Variants in OSBPL9 observed in about 807,000 individuals in gnomAD.
OSBPL9 encodes oxysterol-binding protein-related protein 9.
OSBPL9 carries 40 observed loss-of-function variants against 106.6 expected under a neutral mutation model. The observed-to-expected ratio is 0.38, with a 90% CI of 0.29 to 0.49. OSBPL9 has a LOEUF of 0.49. Ranked by LOEUF, OSBPL9 falls within the 20% of genes least tolerant of loss-of-function variation. OSBPL9 has a pLI of 0.97. For missense variants in OSBPL9, 609 were observed against 887.2 expected (o/e 0.69, Z 3.98); for synonymous variants, 269 against 295.4 (o/e 0.91, Z 0.92).
chr1:51,606,155 G>T (rs2148604921), intron 2 of OSBPL9, among the ~76,000 whole-genome samples: 1 of 152,330 alleles, frequency 6.6e-6, no homozygotes, highest in East Asian at 1.9e-4. Context: ...AAATGGTGCA[G>T]GTTTGAGACC....
At chr1:51,662,184 T>C (rs2148735038) in intron 2 of OSBPL9, among the ~76,000 whole-genome samples, 1 of 152,258 alleles carries the variant, frequency 6.6e-6, no homozygotes, top group Non-Finnish European at 1.5e-5. Context: ...CTGAATAATC[T>C]TGACTAAAAG....
chr1:51,534,470 G>A, the OSBPL9 span, among the ~76,000 whole-genome samples: 5 of 152,102 alleles, frequency 3.3e-5, no homozygotes, highest in Admixed American at 6.5e-5. Flanking sequence ...ATGTTGGTAG[G>A]AAAGTCTAAG....
intron 4 of OSBPL9, among the ~76,000 whole-genome samples, chr1:51,717,661 C>T (rs1661306143): frequency 6.7e-6 from 1 of 150,236 alleles, no homozygotes; most frequent in Non-Finnish European, 1.5e-5. Flanking sequence ...ATCATTTCAC[C>T]CCAGTTAAAA....
At chr1:51,606,440 T>G (rs1643948782) in intron 2 of OSBPL9, among the ~76,000 whole-genome samples, 1 of 152,186 alleles carries the variant, frequency 6.6e-6, no homozygotes, top group African/African-American at 2.4e-5. Context: ...TACTGCAAAT[T>G]TATGGCTGTG....
At chr1:51,677,686 G>A (rs1479367600) in intron 3 of OSBPL9, among the ~76,000 whole-genome samples, 1 of 152,046 alleles carries the variant, frequency 6.6e-6, no homozygotes, top group Non-Finnish European at 1.5e-5. Context: ...AAGTAGCTGG[G>A]ATTAGAGGCA....
chr1:51,702,714 T>C (rs1657572582), intron 3 of OSBPL9, among the ~76,000 whole-genome samples: 1 of 152,266 alleles, frequency 6.6e-6, no homozygotes, highest in South Asian at 2.1e-4. Context: ...CATGAAGTCC[T>C]TGCCATGCCT....
chr1:51,781,188 G>C lies in OSBPL9; in HGVS notation c.1281G>C (p.Lys427Asn). 1 of 1,613,996 alleles carries C rather than the reference G, an allele frequency of 6.2e-7. No homozygotes were observed. The highest frequency in any genetic ancestry group is 8.5e-7 in the Non-Finnish European group (1 of 1,180,008). The change falls in exon 16 of 24, where the codon AAG (lysine) becomes AAC (asparagine). Residue 427 changes from lysine (K) to asparagine (N), a missense_variant. Coordinates refer to ENST00000428468, the MANE Select transcript of OSBPL9 (RefSeq NM_024586.6). Reference sequence around the variant, plus strand: ...GCATTAGTGACCAGAAGGATCCCAAGGATCGAATGGTTCAGGTTGTGAAAT... The same window carrying C: ...GCATTAGTGACCAGAAGGATCCCAACGATCGAATGGTTCAGGTTGTGAAAT... ...FVSISDQKDPKDRMVQVVKWY... is the reference protein window; with the variant it reads ...FVSISDQKDPNDRMVQVVKWY...
chr1:51,711,336 C>A (rs1443978771), intron 3 of OSBPL9, among the ~76,000 whole-genome samples: 1 of 146,656 alleles, frequency 6.8e-6, no homozygotes, highest in Non-Finnish European at 1.5e-5. Flanking sequence ...GGGCAGGGGG[C>A]TGACCCCCCC....
At chr1:51,537,838 G>C in the OSBPL9 span, among the ~76,000 whole-genome samples, 1 of 151,890 alleles carries the variant, frequency 6.6e-6, no homozygotes, top group East Asian at 1.9e-4. Context: ...ACTGCACCCA[G>C]CTCTGGTCAA....
intron 22 of OSBPL9, among the ~76,000 whole-genome samples, chr1:51,786,862 TTAAC>T (rs1187385167): frequency 1.3e-5 from 2 of 152,242 alleles, no homozygotes; most frequent in South Asian, 2.1e-4. Context: ...AAGCCACATC[TTAAC>T]TAACTTTAAA....
intron 3 of OSBPL9, among the ~76,000 whole-genome samples, chr1:51,713,569 G>A (rs1660508130): frequency 6.6e-6 from 1 of 152,146 alleles, no homozygotes; most frequent in Non-Finnish European, 1.5e-5. Flanking sequence ...GCATTGTCCG[G>A]TCTGCAATTC....
chr1:51,772,741 G>A lies in OSBPL9; in HGVS notation c.1170+18G>A. The A allele has an allele frequency of 8.4e-6, 13 of 1,550,750 alleles. No individual in the cohort carries two copies. The highest frequency in any genetic ancestry group is 1.2e-5 in the Non-Finnish European group (13 of 1,122,362). On this transcript the variant is annotated intron_variant, in intron 14 of 23. Transcript: ENST00000428468. ...TTACTAAGGTAAGACCAAATTTGCT[G>A]TAAGTCTGTGTGGGTATGTATGGAT...
chr1:51,626,953 T>C (rs1214323761), intron 1 of OSBPL9, among the ~76,000 whole-genome samples: 1 of 152,242 alleles, frequency 6.6e-6, no homozygotes, highest in East Asian at 1.9e-4. Flanking sequence ...AAGAGTTGTT[T>C]ATTTTAGCTA....
the OSBPL9 span, among the ~76,000 whole-genome samples, chr1:51,532,505 C>T: frequency 9.2e-5 from 14 of 152,190 alleles, no homozygotes; most frequent in African/African-American, 2.6e-4. Context: ...AAAAAAGTTA[C>T]GAAATAAGCA....
the OSBPL9 span, among the ~76,000 whole-genome samples, chr1:51,543,543 G>A: frequency 1.3e-5 from 2 of 152,048 alleles, no homozygotes; most frequent in Non-Finnish European, 2.9e-5. Flanking sequence ...CTACAGGCAC[G>A]TGCCACCATG....
At chr1:51,652,872 G>A (rs1267053951) in intron 2 of OSBPL9, among the ~76,000 whole-genome samples, 1 of 152,216 alleles carries the variant, frequency 6.6e-6, no homozygotes, top group African/African-American at 2.4e-5. Context: ...AAGAAAAGTG[G>A]CCTCTATCAT....
At chr1:51,557,119 G>A in the OSBPL9 span, among the ~76,000 whole-genome samples, 443 of 151,778 alleles carry the variant, frequency 2.9e-3, 3 homozygotes, top group African/African-American at 0.01. Flanking sequence ...ACTAAAAATT[G>A]AAAACAAAAA....
chr1:51,712,616 T>C (rs2148890335), intron 3 of OSBPL9, among the ~76,000 whole-genome samples: 1 of 152,348 alleles, frequency 6.6e-6, no homozygotes, highest in South Asian at 2.1e-4. Context: ...TTTGATTTGA[T>C]TATTTTATAA....
intron 3 of OSBPL9, among the ~76,000 whole-genome samples, chr1:51,713,715 T>C (rs1386437616): frequency 6.6e-6 from 1 of 152,218 alleles, no homozygotes; most frequent in Admixed American, 6.5e-5. Flanking sequence ...CTTCAACCAG[T>C]TGTTTTTTAA....
Sources: gnomAD v4.1 joint callset for allele counts (sites outside exome capture counted in the v4.1 genomes callset) on GRCh38, gnomAD v4.1.1 for gene constraint, MANE v1.5 for transcripts, NCBI Gene and HGNC (gene_info 2026-07-23, HGNC 2026-07-21) for gene names.